Variants in ADCY2 observed in about 807,000 individuals in gnomAD.
ADCY2 encodes adenylate cyclase 2.
Under a neutral mutation model 125.2 loss-of-function variants are expected in ADCY2, and 31 were observed. The ratio of observed to expected loss-of-function variants is 0.25; its 90% CI spans 0.19 to 0.33. The LOEUF (loss-of-function observed/expected upper bound fraction) is 0.33, where lower values mean the gene tolerates loss of function less well. Among genes scored for constraint, ADCY2 ranks in the 10% least tolerant of loss-of-function variants. The probability of loss-of-function intolerance (pLI) is 1.00; values close to 1 mark genes in which losing one functional copy is unlikely to be tolerated. For synonymous variants in ADCY2, 512 were observed against 548.4 expected (o/e 0.93, Z 0.93); for missense variants, 904 against 1,418.2 (o/e 0.64, Z 5.82).
chr5:7,626,102 T>A, intron 3 of ADCY2, 65 bp from the exon 4 acceptor site: 2 of 1,535,472 alleles, frequency 1.3e-6, no homozygotes, highest in Non-Finnish European at 1.8e-6. Flanking sequence ...ATGTGCACTT[T>A]GTTTTGATTG....
chr5:7,775,175 T>TTGTGTGTGTGTGTG (rs200142910), intron 18 of ADCY2, among the ~76,000 whole-genome samples: 25 of 146,262 alleles, frequency 1.7e-4, no homozygotes, highest in African/African-American at 6.1e-4. Context: ...CCCAGCTACT[T>TTGTGTGTGTGTGTG]TGTGTGTGTG....
intron 6 of ADCY2, among the ~76,000 whole-genome samples, chr5:7,697,271 A>G (rs145044427): frequency 1.3e-5 from 2 of 152,274 alleles, no homozygotes; most frequent in Admixed American, 6.5e-5. Context: ...GAAGTACTCA[A>G]CGTGACTTCC....
At chr5:7,651,187 A>G (rs1047928102) in intron 4 of ADCY2, among the ~76,000 whole-genome samples, 2 of 152,228 alleles carry the variant, frequency 1.3e-5, no homozygotes, top group Non-Finnish European at 2.9e-5. Flanking sequence ...GAAACAATAC[A>G]AAAAAGTGCA....
At chr5:7,817,108 C>A in intron 23 of ADCY2, 128 bp downstream of exon 23, 1 of 702,862 alleles carries the variant, frequency 1.4e-6, no homozygotes, top group Non-Finnish European at 2.5e-6. Context: ...CGTTGCAAGA[C>A]TGGATGACAG....
At chr5:7,704,709 C>T (rs1741205689) in intron 7 of ADCY2, among the ~76,000 whole-genome samples, 1 of 152,036 alleles carries the variant, frequency 6.6e-6, no homozygotes, top group Non-Finnish European at 1.5e-5. Flanking sequence ...GAAACCCCGT[C>T]TCTACCAAAA....
At position 7,658,411 on chromosome 5, in the gene ADCY2, G is replaced by GTA. The variant is rs1411104028; in HGVS notation, c.720+32096_720+32097insAT. On this transcript the variant is annotated intron_variant, in intron 4 of 24. Coordinates refer to ENST00000338316, the MANE Select transcript of ADCY2 (RefSeq NM_020546.3). Reference sequence around the variant, plus strand: ...CCAGTGAAGAGAATTGTGTGTGTGTGTGTGTGTGTGTGTGTGTGTGTATAT... The same window carrying GTA: ...CCAGTGAAGAGAATTGTGTGTGTGTGTATGTGTGTGTGTGTGTGTGTGTATAT... 4.2e-3 allele frequency among the ~76,000 whole-genome samples: 591 copies of GTA among 140,174 alleles called. 5 individuals are homozygous for GTA. Among genetic ancestry groups the GTA allele is most frequent in the African/African-American group, 0.014 (558 of 39,216 alleles). The allele number at this position is 140,174 out of a possible 152,430, so 92.0% of individuals were successfully genotyped here.
chr5:7,468,847 A>G (rs1400390049), intron 2 of ADCY2, among the ~76,000 whole-genome samples: 1 of 152,180 alleles, frequency 6.6e-6, no homozygotes, highest in Non-Finnish European at 1.5e-5. Flanking sequence ...GACTGTTTAA[A>G]TAAATAACAC....
intron 3 of ADCY2, among the ~76,000 whole-genome samples, chr5:7,540,917 T>G (rs1027707195): frequency 2.6e-5 from 4 of 152,334 alleles, no homozygotes; most frequent in Non-Finnish European, 5.9e-5. Flanking sequence ...TTCCGTCCTG[T>G]ACTTTGGAGT....
At chr5:7,413,555 C>A (rs1739812278) in intron 1 of ADCY2, among the ~76,000 whole-genome samples, 1 of 151,962 alleles carries the variant, frequency 6.6e-6, no homozygotes, top group Non-Finnish European at 1.5e-5. Flanking sequence ...GCCTCGGCCT[C>A]CCAAAGTACT....
intron 3 of ADCY2, among the ~76,000 whole-genome samples, chr5:7,539,910 C>G (rs1734939192): frequency 6.6e-6 from 1 of 152,222 alleles, no homozygotes. Flanking sequence ...TTTATCACCC[C>G]ACAAAGTCCT....
At chr5:7,739,026 G>T (rs1373229349) in intron 14 of ADCY2, among the ~76,000 whole-genome samples, 1 of 151,728 alleles carries the variant, frequency 6.6e-6, no homozygotes, top group Admixed American at 6.6e-5. Context: ...GGAATATATA[G>T]GAGGTCTGAG....
At chr5:7,765,989 C>G (rs778099952) in intron 16 of ADCY2, among the ~76,000 whole-genome samples, 3 of 152,178 alleles carry the variant, frequency 2.0e-5, no homozygotes, top group Non-Finnish European at 4.4e-5. Context: ...CACATTTCTA[C>G]TGCCTTGCTA....
At chr5:7,635,346 G>T (rs1186466011) in intron 4 of ADCY2, among the ~76,000 whole-genome samples, 2 of 152,184 alleles carry the variant, frequency 1.3e-5, no homozygotes, top group Non-Finnish European at 2.9e-5. Context: ...TACAGGAATA[G>T]CTTGGGTGAG....
chr5:7,821,566 C>T (rs1745301920), intron 24 of ADCY2, among the ~76,000 whole-genome samples: 1 of 152,184 alleles, frequency 6.6e-6, no homozygotes, highest in African/African-American at 2.4e-5. Context: ...GATGCTGTGG[C>T]TACAGCATGA....
At chr5:7,770,771 T>C (rs1265211416) in intron 17 of ADCY2, among the ~76,000 whole-genome samples, 2 of 152,186 alleles carry the variant, frequency 1.3e-5, no homozygotes, top group African/African-American at 4.8e-5. Context: ...TACTCAAGAC[T>C]ATTGATTAAA....
chr5:7,558,486 T>C (rs1735605922), intron 3 of ADCY2, among the ~76,000 whole-genome samples: 1 of 152,240 alleles, frequency 6.6e-6, no homozygotes. Context: ...TATATCTTCT[T>C]TCGAAAAGGG....
chr5:7,412,932 C>T (rs1739779917), intron 1 of ADCY2, among the ~76,000 whole-genome samples: 2 of 152,238 alleles, frequency 1.3e-5, no homozygotes, highest in African/African-American at 4.8e-5. Flanking sequence ...TGTAAGCCTG[C>T]TTAGCACAAG....
At chr5:7,529,661 C>G (rs968992580) in intron 3 of ADCY2, among the ~76,000 whole-genome samples, 4 of 152,184 alleles carry the variant, frequency 2.6e-5, no homozygotes, top group African/African-American at 9.7e-5. Flanking sequence ...AGTAGATGTC[C>G]CAGGTACCCC....
intron 3 of ADCY2, among the ~76,000 whole-genome samples, chr5:7,608,619 AG>A (rs1737466535): frequency 6.6e-6 from 1 of 152,222 alleles, no homozygotes; most frequent in Admixed American, 6.5e-5. Context: ...CAGTATTTCT[AG>A]ATCTTTTTCT....
Sources: gnomAD v4.1 joint callset for allele counts (sites outside exome capture counted in the v4.1 genomes callset) on GRCh38, gnomAD v4.1.1 for gene constraint, MANE v1.5 for transcripts, NCBI Gene and HGNC (gene_info 2026-07-23, HGNC 2026-07-21) for gene names.